The following TRHDE variants were observed in gnomAD, a reference collection of about 807,000 sequenced individuals.
TRHDE encodes the protein thyrotropin-releasing hormone-degrading ectoenzyme.
Under a neutral mutation model 125.7 loss-of-function variants are expected in TRHDE, and 72 were observed. The observed-to-expected ratio is 0.57, with a 90% CI of 0.47 to 0.70. The LOEUF is 0.70. Ranked by LOEUF, TRHDE falls within the 30% of genes least tolerant of loss-of-function variation. TRHDE has a pLI of 0.00. For synonymous variants in TRHDE, 509 were observed against 509.1 expected (o/e 1.00, Z 0.00); for missense variants, 1,110 against 1,327.1 (o/e 0.84, Z 2.54).
chr12:72,476,118 T>A (rs1876880395), intron 5 of TRHDE, among the ~76,000 whole-genome samples: 1 of 152,168 alleles, frequency 6.6e-6, no homozygotes, highest in Admixed American at 6.5e-5. Flanking sequence ...GGTTTCACTA[T>A]ATTGGCCAGG....
At chr12:72,412,744 A>T (rs967258237) in intron 3 of TRHDE, among the ~76,000 whole-genome samples, 1 of 152,162 alleles carries the variant, frequency 6.6e-6, no homozygotes. Context: ...TAAAACATGT[A>T]TAAGTCCCAT....
chr12:72,276,624 A>G (rs2139413270), intron 1 of TRHDE, among the ~76,000 whole-genome samples: 1 of 152,294 alleles, frequency 6.6e-6, no homozygotes, highest in South Asian at 2.1e-4. Context: ...TACAACTGGG[A>G]AGACTTGCTT....
chr12:72,400,756 A>C lies in TRHDE; in HGVS notation c.1315+22635A>C, dbSNP rs183212268. Among the ~76,000 whole-genome samples, 7 of 152,248 alleles carry C rather than the reference A, an allele frequency of 4.6e-5. No homozygotes were observed. The South Asian group carries it at 1.2e-3, about 27-fold the overall frequency. On this transcript the variant is annotated intron_variant, in intron 3 of 18. Coordinates refer to ENST00000261180, the MANE Select transcript of TRHDE (RefSeq NM_013381.3). Reference sequence around the variant, plus strand: ...TGTATACTATTCAGTCTTAAGAAAAAGTTTGTCTTAATTAGAGAAGCTATG... The same window carrying C: ...TGTATACTATTCAGTCTTAAGAAAACGTTTGTCTTAATTAGAGAAGCTATG...
intron 2 of TRHDE, among the ~76,000 whole-genome samples, chr12:72,373,318 C>A (rs1279792575): frequency 6.6e-6 from 1 of 152,204 alleles, no homozygotes; most frequent in Non-Finnish European, 1.5e-5. Context: ...TCTAGATATA[C>A]AATTATGTCA....
At chr12:72,557,166 G>A (rs568521866) in intron 7 of TRHDE, among the ~76,000 whole-genome samples, 2 of 152,246 alleles carry the variant, frequency 1.3e-5, no homozygotes, top group Non-Finnish European at 2.9e-5. Flanking sequence ...TGACAAATGT[G>A]GGAAATTTGC....
chr12:72,353,230 G>A (rs1031251025), intron 2 of TRHDE, among the ~76,000 whole-genome samples: 9 of 151,700 alleles, frequency 5.9e-5, no homozygotes, highest in South Asian at 4.2e-4. Flanking sequence ...GCAAACAGTC[G>A]GGAGTTTTGT....
intron 3 of TRHDE, among the ~76,000 whole-genome samples, chr12:72,409,181 A>T (rs1381409335): frequency 6.6e-6 from 1 of 152,232 alleles, no homozygotes; most frequent in Admixed American, 6.5e-5. Flanking sequence ...TAGCAGCTAG[A>T]CTGAGCTAAC....
At chr12:72,388,063 C>G (rs1055939363) in intron 3 of TRHDE, among the ~76,000 whole-genome samples, 15 of 151,988 alleles carry the variant, frequency 9.9e-5, no homozygotes, top group Admixed American at 9.8e-4. Flanking sequence ...TTATTTCCCT[C>G]CTACTCCTCT....
chr12:72,127,583 A>G (rs907457575), intron 2 of TRHDE, among the ~76,000 whole-genome samples: 15 of 152,184 alleles, frequency 9.9e-5, no homozygotes, highest in African/African-American at 3.4e-4. Flanking sequence ...TAACACAGAA[A>G]CAGAAAACCA....
intron 5 of TRHDE, among the ~76,000 whole-genome samples, chr12:72,490,621 A>G (rs1877624720): frequency 6.6e-6 from 1 of 151,778 alleles, no homozygotes; most frequent in Non-Finnish European, 1.5e-5. Flanking sequence ...ACACACACAC[A>G]CACACATTTT....
chr12:72,513,615 G>A (rs1270211126), intron 6 of TRHDE, among the ~76,000 whole-genome samples: 1 of 152,036 alleles, frequency 6.6e-6, no homozygotes, highest in Non-Finnish European at 1.5e-5. Context: ...ATGTCTTTCA[G>A]CTTTTTCTGA....
At chr12:72,371,030 C>T (rs1040860115) in intron 2 of TRHDE, among the ~76,000 whole-genome samples, 1 of 152,154 alleles carries the variant, frequency 6.6e-6, no homozygotes, top group African/African-American at 2.4e-5. Context: ...CAGGCGTGAG[C>T]CACTGCCCCT....
chr12:72,161,873 A>G (rs1429584062), intron 2 of TRHDE, among the ~76,000 whole-genome samples: 2 of 152,260 alleles, frequency 1.3e-5, no homozygotes, highest in Admixed American at 6.5e-5. Context: ...TTTCATGGGT[A>G]TGAACACTCA....
intron 6 of TRHDE, among the ~76,000 whole-genome samples, chr12:72,518,590 T>A (rs1031065018): frequency 3.9e-5 from 6 of 152,174 alleles, no homozygotes; most frequent in African/African-American, 1.4e-4. Flanking sequence ...GGGTCTTGAC[T>A]CTTTATCCAA....
intron 3 of TRHDE, among the ~76,000 whole-genome samples, chr12:72,456,040 A>G (rs1029045313): frequency 2.0e-5 from 3 of 151,438 alleles, no homozygotes; most frequent in Non-Finnish European, 2.9e-5. Context: ...TGATGTGTAT[A>G]TATGTAATAT....
At chr12:72,095,400 T>C (rs562332500) in intron 1 of TRHDE, among the ~76,000 whole-genome samples, 34 of 152,296 alleles carry the variant, frequency 2.2e-4, no homozygotes, top group African/African-American at 7.7e-4. Flanking sequence ...TTGGTGGTCC[T>C]AGATGAGAAA....
intron 5 of TRHDE, among the ~76,000 whole-genome samples, chr12:72,486,595 C>T (rs1360701691): frequency 2.0e-5 from 3 of 152,144 alleles, no homozygotes; most frequent in Non-Finnish European, 2.9e-5. Context: ...CACCACTGCA[C>T]CCGCATGGAA....
At chr12:72,509,040 AT>A (rs1878474004) in intron 6 of TRHDE, among the ~76,000 whole-genome samples, 2 of 151,934 alleles carry the variant, frequency 1.3e-5, no homozygotes, top group South Asian at 4.2e-4. Context: ...TTTTCTTTAA[AT>A]TTTCTAAATT....
chr12:72,610,605 G>C (rs544674447), intron 12 of TRHDE: 7 of 152,382 alleles, frequency 4.6e-5, no homozygotes, highest in African/African-American at 1.4e-4. Context: ...GTGTGTGTGT[G>C]TGTGCACCTG....
Sources: gnomAD v4.1 joint callset for allele counts (sites outside exome capture counted in the v4.1 genomes callset) on GRCh38, gnomAD v4.1.1 for gene constraint, MANE v1.5 for transcripts, NCBI Gene and HGNC (gene_info 2026-07-23, HGNC 2026-07-21) for gene names.